Variants in KHDRBS2 observed in about 807,000 individuals in gnomAD.
KHDRBS2 encodes the protein KH domain-containing, RNA-binding, signal transduction-associated protein 2.
Under a neutral mutation model 44.3 loss-of-function variants are expected in KHDRBS2, and 26 were observed. The ratio of observed to expected loss-of-function variants is 0.59; its 90% CI spans 0.43 to 0.81. The LOEUF is 0.81. Ranked by LOEUF, KHDRBS2 falls within the 40% of genes least tolerant of loss-of-function variation. The probability of loss-of-function intolerance (pLI) is 0.00; values close to 1 mark genes in which losing one functional copy is unlikely to be tolerated. For missense variants in KHDRBS2, 476 were observed against 433.1 expected (o/e 1.10, Z -0.88); for synonymous variants, 194 against 151.1 (o/e 1.28, Z -2.08).
intron 6 of KHDRBS2, among the ~76,000 whole-genome samples, chr6:61,870,764 C>A (rs768233793): frequency 2.0e-5 from 3 of 151,444 alleles, no homozygotes; most frequent in Non-Finnish European, 4.4e-5. Flanking sequence ...CAAACTCCAG[C>A]AGACGTGCAG....
At chr6:61,962,455 G>GTGAT (rs1202337423) in intron 4 of KHDRBS2, among the ~76,000 whole-genome samples, 1 of 152,066 alleles carries the variant, frequency 6.6e-6, no homozygotes, top group Non-Finnish European at 1.5e-5. Context: ...CACACTCTAA[G>GTGAT]TGATTGTATT....
the KHDRBS2 span, among the ~76,000 whole-genome samples, chr6:61,610,548 C>T: frequency 6.6e-6 from 1 of 152,120 alleles, no homozygotes; most frequent in African/African-American, 2.4e-5. Flanking sequence ...CCTATAGGGT[C>T]TGCTACCAGG....
chr6:62,205,040 A>G (rs1486618974), intron 1 of KHDRBS2, among the ~76,000 whole-genome samples: 2 of 152,136 alleles, frequency 1.3e-5, no homozygotes, highest in Non-Finnish European at 2.9e-5. Context: ...CTTTTGGGGC[A>G]AAGTCAATCA....
chr6:62,167,379 A>G (rs1168381725), intron 2 of KHDRBS2, among the ~76,000 whole-genome samples: 1 of 152,114 alleles, frequency 6.6e-6, no homozygotes, highest in Admixed American at 6.6e-5. Context: ...AAAATACAAA[A>G]TGGAAAAATA....
At chr6:61,635,106 C>A in the KHDRBS2 span, among the ~76,000 whole-genome samples, 3 of 151,984 alleles carry the variant, frequency 2.0e-5, no homozygotes, top group Admixed American at 6.6e-5. Context: ...TCCAATTAAT[C>A]TCATTACTTC....
At chr6:61,801,888 C>G (rs1786338304) in intron 6 of KHDRBS2, among the ~76,000 whole-genome samples, 1 of 152,130 alleles carries the variant, frequency 6.6e-6, no homozygotes, top group Non-Finnish European at 1.5e-5. Context: ...ATTAAGACCT[C>G]AATTCAGTTG....
chr6:62,085,839 G>A (rs1426669838), intron 2 of KHDRBS2, among the ~76,000 whole-genome samples: 4 of 152,180 alleles, frequency 2.6e-5, no homozygotes, highest in African/African-American at 9.7e-5. Context: ...CTGAAAGACA[G>A]TGATGGGAGG....
chr6:61,665,156 T>A, the KHDRBS2 span, among the ~76,000 whole-genome samples: 1 of 151,562 alleles, frequency 6.6e-6, no homozygotes, highest in African/African-American at 2.4e-5. Context: ...AAAATAAATA[T>A]AGTATGTTTC....
chr6:61,801,791 T>C (rs191737248), intron 6 of KHDRBS2, among the ~76,000 whole-genome samples: 144 of 152,274 alleles, frequency 9.5e-4, no homozygotes, highest in Non-Finnish European at 1.6e-3. Flanking sequence ...CCTCAATATT[T>C]CTGGCCATTT....
At chr6:61,983,597 G>C (rs1365204880) in intron 3 of KHDRBS2, among the ~76,000 whole-genome samples, 3 of 151,914 alleles carry the variant, frequency 2.0e-5, no homozygotes, top group Non-Finnish European at 4.4e-5. Context: ...TCTTGGCTTG[G>C]TTTCATAGCA....
chr6:62,213,410 AG>A (rs1278770500), intron 1 of KHDRBS2, among the ~76,000 whole-genome samples: 1 of 152,094 alleles, frequency 6.6e-6, no homozygotes, highest in East Asian at 1.9e-4. Flanking sequence ...GATCCAGCAG[AG>A]GGGGGATCAT....
At chr6:61,713,551 A>T (rs116382416) in intron 7 of KHDRBS2, among the ~76,000 whole-genome samples, 3 of 150,094 alleles carry the variant, frequency 2.0e-5, no homozygotes, top group Non-Finnish European at 4.4e-5. Context: ...TTGTAGTACA[A>T]TTTGAAGTCA....
rs554494680 is a variant in KHDRBS2, at chr6:61,848,903, C to T, written c.810+45732G>A. Among the ~76,000 whole-genome samples, 4 of 151,960 alleles carry T rather than the reference C, an allele frequency of 2.6e-5. No homozygotes were observed. In the South Asian group the frequency reaches 6.2e-4, roughly 24 times the overall value. ...TTAAATAAATGTATCTTTACATAAA[C>T]TTTACATAAACTTGAATTTAAGCAT... On this transcript the variant is annotated intron_variant, in intron 6 of 8. Coordinates refer to ENST00000281156, the MANE Select transcript of KHDRBS2 (RefSeq NM_152688.4).
At chr6:61,931,009 A>G (rs1408548133) in intron 4 of KHDRBS2, among the ~76,000 whole-genome samples, 1 of 152,160 alleles carries the variant, frequency 6.6e-6, no homozygotes, top group South Asian at 2.1e-4. Context: ...TCTTCTGCAT[A>G]TGTAATAAAA....
intron 3 of KHDRBS2, among the ~76,000 whole-genome samples, chr6:62,005,307 A>T (rs573184590): frequency 3.9e-5 from 6 of 152,178 alleles, no homozygotes; most frequent in African/African-American, 1.4e-4. Context: ...ACATGAAAAG[A>T]TGTTATTATT....
the KHDRBS2 span, among the ~76,000 whole-genome samples, chr6:61,627,999 A>T: frequency 6.6e-6 from 1 of 151,922 alleles, no homozygotes; most frequent in East Asian, 1.9e-4. Flanking sequence ...TGTGCCCTTA[A>T]CCTGTGTAAT....
intron 2 of KHDRBS2, among the ~76,000 whole-genome samples, chr6:62,152,243 C>T (rs138787035): frequency 0.025 from 3,785 of 151,856 alleles, 116 homozygotes; most frequent in African/African-American, 0.083. Context: ...GGCTTGAACC[C>T]GGGAGGCAGA....
At chr6:61,722,549 C>G (rs894555472) in intron 7 of KHDRBS2, among the ~76,000 whole-genome samples, 1 of 152,044 alleles carries the variant, frequency 6.6e-6, no homozygotes, top group Non-Finnish European at 1.5e-5. Context: ...TCCATTTTCT[C>G]TAAATATTTT....
chr6:61,706,064 A>G (rs933440361), intron 7 of KHDRBS2, among the ~76,000 whole-genome samples: 1 of 151,826 alleles, frequency 6.6e-6, no homozygotes, highest in African/African-American at 2.4e-5. Context: ...AAACTGAAGT[A>G]TTGGAACTTC....
Sources: allele counts gnomAD v4.1 joint callset (sites outside exome capture counted in the v4.1 genomes callset), GRCh38; gene constraint gnomAD v4.1.1; transcripts MANE v1.5; gene names NCBI Gene and HGNC (gene_info 2026-07-23, HGNC 2026-07-21).